The following TOR1AIP2 variants were observed in gnomAD, a reference collection of about 807,000 sequenced individuals.
The protein encoded by TOR1AIP2 is torsin 1A interacting protein 2, also known as torsin-1A-interacting protein 2.
Under a neutral mutation model 32.6 loss-of-function variants are expected in TOR1AIP2, and 20 were observed. The observed-to-expected ratio is 0.61, with a 90% CI of 0.43 to 0.89. The LOEUF is 0.89. Among genes scored for constraint, TOR1AIP2 ranks in the 40% least tolerant of loss-of-function variants. The pLI, the probability that TOR1AIP2 is intolerant of heterozygous loss-of-function variation, is 0.00. For synonymous variants in TOR1AIP2, 214 were observed against 210.8 expected (o/e 1.02, Z -0.13); for missense variants, 456 against 553.8 (o/e 0.82, Z 1.77).
intron 2 of TOR1AIP2, among the ~76,000 whole-genome samples, chr1:179,869,464 T>C (rs527715219): frequency 6.6e-6 from 1 of 152,334 alleles, no homozygotes; most frequent in East Asian, 1.9e-4. Context: ...CCTAATAGCT[T>C]ACAGCATCTC....
chr1:179,867,264 G>A (rs1696820038), intron 2 of TOR1AIP2, among the ~76,000 whole-genome samples: 2 of 152,210 alleles, frequency 1.3e-5, no homozygotes, highest in Non-Finnish European at 2.9e-5. Flanking sequence ...ACATACTGAT[G>A]TGTTTTCTGA....
At chr1:179,865,282 T>G in intron 3 of TOR1AIP2, 154 bp downstream of exon 3, 1 of 1,397,610 alleles carries the variant, frequency 7.2e-7, no homozygotes, top group Non-Finnish European at 9.6e-7. Flanking sequence ...TTTACCAATT[T>G]CTTAGTTCAA....
At position 179,861,556 on chromosome 1, in the gene TOR1AIP2, T is replaced by C. The variant is rs1171794996; in HGVS notation, c.-147+3880A>G. On this transcript the variant is annotated intron_variant, in intron 3 of 6. Coordinates refer to ENST00000609928, the MANE Select transcript of TOR1AIP2 (RefSeq NM_001199260.2). ...GCCCATATATTCACATAGTTTATAA[T>C]GACACTGAACAAAACTGTTTGTGAA... 5 of 985,392 alleles carry C rather than the reference T, an allele frequency of 5.1e-6. No individual in the cohort carries two copies. In the South Asian group the frequency reaches 2.3e-4, roughly 46 times the overall value. The allele number at this position is 985,392 out of a possible 1,614,324, so 61.0% of individuals were successfully genotyped here.
At chr1:179,865,304 T>C in intron 3 of TOR1AIP2, 132 bp downstream of exon 3, 2 of 1,259,496 alleles carry the variant, frequency 1.6e-6, no homozygotes, top group Non-Finnish European at 1.1e-6. Context: ...CAATATTATT[T>C]GGAGAGCCAA....
intron 1 of TOR1AIP2, 34 bp downstream of exon 1, chr1:179,877,659 A>G (rs1367361696): frequency 6.6e-6 from 1 of 152,256 alleles, no homozygotes; most frequent in Non-Finnish European, 1.5e-5. Flanking sequence ...ATACTAAAAC[A>G]TGGAAAAGCT....
intron 3 of TOR1AIP2, chr1:179,862,048 G>A: frequency 3.0e-6 from 3 of 985,306 alleles, no homozygotes; most frequent in Non-Finnish European, 2.4e-6. Context: ...CAAGCAACCT[G>A]AGGAATCAAA....
Position 179,865,676 on chromosome 1 carries a change from T to C in TOR1AIP2, c.-387A>G, listed in dbSNP as rs1696740330. ...GGCACTCTTGCCGTTGTAACACACG[T>C]ACCCAAGTCTTAAGGCCTTGGCACT... On this transcript the variant is annotated 5_prime_UTR_variant, in exon 3 of 7. Coordinates refer to ENST00000609928, the MANE Select transcript of TOR1AIP2 (RefSeq NM_001199260.2). 1 of 154,452 alleles carries C rather than the reference T, an allele frequency of 6.5e-6. No individual in the cohort carries two copies. The highest frequency in any genetic ancestry group is 1.4e-5 in the Non-Finnish European group (1 of 69,406). 9.6% of individuals were successfully genotyped at this position (154,452 alleles called of 1,614,324 possible).
chr1:179,863,424 A>G, intron 3 of TOR1AIP2: 2 of 985,296 alleles, frequency 2.0e-6, no homozygotes, highest in Non-Finnish European at 2.4e-6. Context: ...CTGACTTGAA[A>G]GAAAGCCTTT....
At chr1:179,860,220 T>G in intron 3 of TOR1AIP2, 1 of 985,214 alleles carries the variant, frequency 1.0e-6, no homozygotes. Flanking sequence ...CGGCGGCTCA[T>G]GCCTATAATC....
intron 3 of TOR1AIP2, chr1:179,863,924 C>T: frequency 1.0e-6 from 1 of 985,360 alleles, no homozygotes; most frequent in South Asian, 4.7e-5. Flanking sequence ...AGCAGACCTC[C>T]TTAGTTCTAA....
intron 3 of TOR1AIP2, chr1:179,864,960 C>T (rs1466279850): frequency 1.2e-6 from 2 of 1,613,966 alleles, no homozygotes; most frequent in Non-Finnish European, 1.7e-6. Flanking sequence ...TTCTGGGGAG[C>T]CCACTCAAGT....
At chr1:179,863,816 A>G in intron 3 of TOR1AIP2, 5 of 985,346 alleles carry the variant, frequency 5.1e-6, no homozygotes, top group Non-Finnish European at 6.0e-6. Context: ...AAAATTGTTC[A>G]GTGGCCTTTG....
At chr1:179,876,830 ATAAAG>A (rs563409648) in intron 2 of TOR1AIP2, among the ~76,000 whole-genome samples, 20 of 152,334 alleles carry the variant, frequency 1.3e-4, no homozygotes, top group Non-Finnish European at 2.2e-4. Flanking sequence ...AGCATTACTC[ATAAAG>A]TAGAGAGTAC....
rs1043900672 is a variant in TOR1AIP2, at chr1:179,845,064, C to T, written c.*1007G>A. On this transcript the variant is annotated 3_prime_UTR_variant, in exon 7 of 7. Coordinates refer to ENST00000609928, the MANE Select transcript of TOR1AIP2 (RefSeq NM_001199260.2). ...CTGCTGTTCATGTATAGATCTTTATCCTTCATAAATAATGTATCTATACAA... is the reference window on the plus strand; with the variant it reads ...CTGCTGTTCATGTATAGATCTTTATTCTTCATAAATAATGTATCTATACAA... The T allele has an allele frequency of 6.6e-6, 1 of 152,124 alleles. No homozygotes were observed. The highest frequency in any genetic ancestry group is 1.5e-5 in the Non-Finnish European group (1 of 68,016). 9.4% of individuals were successfully genotyped at this position (152,124 alleles called of 1,614,324 possible). A position where few individuals can be genotyped will look rare whatever the true frequency, so the allele number is the denominator to read the frequency against.
At position 179,845,757 on chromosome 1, in the gene TOR1AIP2, A is replaced by T. The variant is rs1250510739; in HGVS notation, c.*314T>A. 4.5e-6 allele frequency: 1 copy of T among 221,660 alleles called. No homozygotes were observed. Among genetic ancestry groups the T allele is most frequent in the Non-Finnish European group, 8.8e-6 (1 of 114,096 alleles). 13.7% of individuals were successfully genotyped at this position (221,660 alleles called of 1,614,324 possible). ...AAATCACTCTGTAGTTACTCTAAGA[A>T]GTAAGAGTATCTTCCTGTGCAATGT... On this transcript the variant is annotated 3_prime_UTR_variant, in exon 7 of 7. Transcript: ENST00000609928.
Position 179,841,950 on chromosome 1 carries a change from C to T in TOR1AIP2, c.*4121G>A, listed in dbSNP as rs1695730804. 6.6e-6 allele frequency: 1 copy of T among 152,216 alleles called. No individual in the cohort carries two copies. The highest frequency in any genetic ancestry group is 2.4e-5 in the African/African-American group (1 of 41,442). 9.4% of individuals were successfully genotyped at this position (152,216 alleles called of 1,614,324 possible). A position where few individuals can be genotyped will look rare whatever the true frequency, so the allele number is the denominator to read the frequency against. On this transcript the variant is annotated 3_prime_UTR_variant, in exon 7 of 7. Transcript: ENST00000609928. ...TCGCGGTGGCTCACGCCTGTAATCC[C>T]AGCACTTTGGGAGGCCGAGGCGGGT... is the stretch of plus-strand genomic sequence containing the variant.
At chr1:179,856,624 T>C (rs1387984231) in intron 3 of TOR1AIP2, among the ~76,000 whole-genome samples, 1 of 152,088 alleles carries the variant, frequency 6.6e-6, no homozygotes, top group Non-Finnish European at 1.5e-5. Flanking sequence ...GGTCAATCTT[T>C]TTTTCCCCCC....
rs182809495 is a variant in TOR1AIP2, at chr1:179,856,044, G to A, written c.-146-3233C>T. Among the ~76,000 whole-genome samples the A allele has an allele frequency of 5.9e-5, 9 of 152,112 alleles. No individual in the cohort carries two copies. The South Asian group carries it at 8.3e-4, about 14-fold the overall frequency. ...AAAAAAATACAAAAACTAGCCAGGC[G>A]TGGTGGTGCATACCTGTAGTCCCAG... is the stretch of plus-strand genomic sequence containing the variant. On this transcript the variant is annotated intron_variant, in intron 3 of 6. Coordinates refer to ENST00000609928, the MANE Select transcript of TOR1AIP2 (RefSeq NM_001199260.2).
intron 2 of TOR1AIP2, among the ~76,000 whole-genome samples, chr1:179,876,380 A>C (rs763652772): frequency 6.6e-6 from 1 of 152,228 alleles, no homozygotes; most frequent in Non-Finnish European, 1.5e-5. Context: ...ATTAGGAAAG[A>C]AACTAGATAA....
Sources: gnomAD v4.1 joint callset for allele counts (sites outside exome capture counted in the v4.1 genomes callset) on GRCh38, gnomAD v4.1.1 for gene constraint, MANE v1.5 for transcripts, NCBI Gene and HGNC (gene_info 2026-07-23, HGNC 2026-07-21) for gene names.